The following TULP4 variants were observed in gnomAD, a reference collection of about 807,000 sequenced individuals.
The protein encoded by TULP4 is TUB like protein 4.
A neutral mutation model predicts 129.0 loss-of-function variants in TULP4; 16 were observed. The ratio of observed to expected loss-of-function variants is 0.12; its 90% CI spans 0.08 to 0.19. TULP4 has a LOEUF of 0.19. TULP4 is among the 10% of genes least tolerant of loss of function. The pLI, the probability that TULP4 is intolerant of heterozygous loss-of-function variation, is 1.00. For synonymous variants in TULP4, 998 were observed against 854.0 expected (o/e 1.17, Z -2.94); for missense variants, 1,842 against 2,059.1 (o/e 0.89, Z 2.04).
chr6:158,337,954 G>T (rs1412080270), intron 1 of TULP4, among the ~76,000 whole-genome samples: 1 of 152,112 alleles, frequency 6.6e-6, no homozygotes, highest in Non-Finnish European at 1.5e-5. Context: ...CTGAAGAAAG[G>T]TCAAGTGGGT....
intron 1 of TULP4, among the ~76,000 whole-genome samples, chr6:158,263,923 C>T (rs1022210759): frequency 2.0e-5 from 3 of 151,876 alleles, no homozygotes; most frequent in East Asian, 1.9e-4. Context: ...ATTACCTGGG[C>T]GTGGTGGCAG....
chr6:158,327,701 G>A (rs1779776432), intron 1 of TULP4, among the ~76,000 whole-genome samples: 1 of 150,970 alleles, frequency 6.6e-6, no homozygotes, highest in South Asian at 2.1e-4. Context: ...CATTAGATCT[G>A]CTTTTTTTGA....
At chr6:158,281,289 C>T (rs1778747939), upstream of TULP4, among the ~76,000 whole-genome samples, 1 of 151,516 alleles carries the variant, frequency 6.6e-6, no homozygotes, top group Admixed American at 6.6e-5. Context: ...TCTCTGCTCA[C>T]TGCAACCTCC....
In TULP4 at chr6:158,502,901, C is replaced by A. The variant is rs142412261; in HGVS notation, c.3238C>A (p.Arg1080Ser). Residue 1080 changes from arginine to serine, a missense_variant, in exon 13 of 14, where the codon CGC (arginine) becomes AGC (serine). Physicochemically the swap from Arg to Ser is moderately radical, Grantham distance 110. Transcript: ENST00000367097. ...GAGCCCACCCGACAGCGCCCGCGAC[C>A]GCACCGACTACGTCAACTCGGCCTT... ...LLSPPDSARD[R>S]TDYVNSAFTE... is the part of the protein sequence containing the mutation. 2.5e-6 allele frequency: 4 copies of A among 1,614,022 alleles called. No individual in the cohort carries two copies. Among genetic ancestry groups the A allele is most frequent in the Admixed American group, 1.7e-5 (1 of 60,038 alleles).
At chr6:158,380,642 C>T (rs1777298834) in intron 1 of TULP4, among the ~76,000 whole-genome samples, 2 of 151,994 alleles carry the variant, frequency 1.3e-5, no homozygotes, top group Non-Finnish European at 2.9e-5. Flanking sequence ...CGCCTGTATC[C>T]CAGCACTTTG....
chr6:158,309,049 C>T (rs1779281776), upstream of TULP4, among the ~76,000 whole-genome samples: 1 of 140,652 alleles, frequency 7.1e-6, no homozygotes, highest in African/African-American at 2.6e-5. Context: ...CACCTCCCTC[C>T]CGGACGGGGT....
chr6:158,466,049 G>C lies in TULP4; in HGVS notation c.1026+4320G>C, dbSNP rs189097107. On this transcript the variant is annotated intron_variant, in intron 6 of 13. Coordinates refer to ENST00000367097, the MANE Select transcript of TULP4 (RefSeq NM_020245.5). The stretch of plus-strand genomic sequence containing the variant: ...CAAGGCTTGCCTTGCATGGCCTTAG[G>C]TATTGTTTAGAATTTGTTATCTTAT... Among the ~76,000 whole-genome samples, 4 of 152,266 alleles carry C rather than the reference G, an allele frequency of 2.6e-5. No homozygotes were observed. In the East Asian group the frequency reaches 7.7e-4, roughly 29 times the overall value.
At position 158,314,290 on chromosome 6, in the gene TULP4, CTTT is replaced by C. The variant is rs548353394; in HGVS notation, c.252+25_252+27del. 603 of 1,607,846 alleles carry C rather than the reference CTTT, an allele frequency of 3.8e-4. 3 individuals are homozygous for C. In the African/African-American group the frequency reaches 5.8e-3, roughly 15 times the overall value. On this transcript the variant is annotated intron_variant, in intron 1 of 13. Coordinates refer to ENST00000367097, the MANE Select transcript of TULP4 (RefSeq NM_020245.5). Reference sequence around the variant, plus strand: ...CGAGGTGAGCTGTGGTTTTGTTTCACTTTTTGGTCACTTCCAGTGGTGTTTTTG... The same window carrying C: ...CGAGGTGAGCTGTGGTTTTGTTTCACTTGGTCACTTCCAGTGGTGTTTTTG...
At chr6:158,309,078 CT>C (rs1779282875), upstream of TULP4, among the ~76,000 whole-genome samples, 1 of 117,792 alleles carries the variant, frequency 8.5e-6, no homozygotes, top group Non-Finnish European at 1.9e-5. Context: ...GGCGGAGACG[CT>C]CCTCACTTCC....
chr6:158,502,605 G>A lies in TULP4; in HGVS notation c.2942G>A (p.Ser981Asn), dbSNP rs1780482473. The A allele has an allele frequency of 2.5e-6, 4 of 1,600,444 alleles. No individual in the cohort carries two copies. Among genetic ancestry groups the A allele is most frequent in the Non-Finnish European group, 1.7e-6 (2 of 1,179,600 alleles). ...GGGGCTGCCCAGAGGTCCGACAATA[G>A]CCTCATCCACGCTACCCTGCGGAGG... ...GRGAAQRSDN[S>N]LIHATLRRNN... The change falls in exon 13 of 14, where the codon AGC becomes AAC. Residue 981 changes from serine (S) to asparagine (N), a missense_variant. Ser to Asn is a conservative substitution (Grantham distance 46). Transcript: ENST00000367097.
At chr6:158,360,340 A>T (rs1327065140) in intron 1 of TULP4, among the ~76,000 whole-genome samples, 4 of 152,046 alleles carry the variant, frequency 2.6e-5, no homozygotes. Context: ...CCTCAAATGG[A>T]AATGGTCGGG....
At chr6:158,366,841 C>G (rs1377394307) in intron 1 of TULP4, among the ~76,000 whole-genome samples, 1 of 152,146 alleles carries the variant, frequency 6.6e-6, no homozygotes, top group Non-Finnish European at 1.5e-5. Flanking sequence ...ATCTCAAGGT[C>G]CCGTCCAGCT....
intron 3 of TULP4, among the ~76,000 whole-genome samples, chr6:158,441,937 CT>C (rs912071196): frequency 6.6e-6 from 1 of 152,156 alleles, no homozygotes; most frequent in Non-Finnish European, 1.5e-5. Context: ...GAGTAGGGGC[CT>C]AATTTTGTTA....
intron 1 of TULP4, among the ~76,000 whole-genome samples, chr6:158,340,744 C>T (rs1445029903): frequency 6.6e-6 from 1 of 152,172 alleles, no homozygotes; most frequent in Non-Finnish European, 1.5e-5. Flanking sequence ...TTCGCAGGCC[C>T]TCATCCTTAC....
intron 1 of TULP4, among the ~76,000 whole-genome samples, chr6:158,236,456 A>G (rs1488016850): frequency 1.3e-5 from 2 of 152,196 alleles, no homozygotes; most frequent in Non-Finnish European, 2.9e-5. Context: ...CATTTCAACT[A>G]TTTATCATGG....
In TULP4 at chr6:158,237,499, G is replaced by A. The variant is rs1777736588; in HGVS notation, n.68+5196G>A. 12 of 1,549,742 alleles carry A rather than the reference G, an allele frequency of 7.7e-6. No homozygotes were observed. The South Asian group carries it at 1.3e-4, about 17-fold the overall frequency. On this transcript the variant is annotated intron_variant and non_coding_transcript_variant, in intron 1 of 1. Coordinates refer to the TULP4 transcript ENST00000620026. ...TGGGGAGGTGGGTGGGCTACTCACAGTTTTTCTGGCATCCAGTTCAGATGA... is the reference window on the plus strand; with the variant it reads ...TGGGGAGGTGGGTGGGCTACTCACAATTTTTCTGGCATCCAGTTCAGATGA...
intron 1 of TULP4, among the ~76,000 whole-genome samples, chr6:158,252,794 G>T (rs1251713149): frequency 2.0e-5 from 3 of 152,046 alleles, no homozygotes; most frequent in Non-Finnish European, 4.4e-5. Flanking sequence ...CCCCTTATCA[G>T]AATGGCCACT....
intron 3 of TULP4, among the ~76,000 whole-genome samples, chr6:158,433,005 A>G (rs2115069348): frequency 6.6e-6 from 1 of 152,314 alleles, no homozygotes; most frequent in Admixed American, 6.5e-5. Flanking sequence ...TCTGGTATCT[A>G]GGCTACCTTT....
At chr6:158,399,409 A>G (rs1777794728) in intron 1 of TULP4, among the ~76,000 whole-genome samples, 1 of 152,232 alleles carries the variant, frequency 6.6e-6, no homozygotes, top group African/African-American at 2.4e-5. Context: ...GAAAACTTCA[A>G]TGTGTATGTG....
Sources: allele counts gnomAD v4.1 joint callset (sites outside exome capture counted in the v4.1 genomes callset), GRCh38; gene constraint gnomAD v4.1.1; transcripts MANE v1.5; gene names NCBI Gene and HGNC (gene_info 2026-07-23, HGNC 2026-07-21).